PARD3B: variants seen among roughly 807,000 people sequenced by gnomAD.
The protein encoded by PARD3B is partitioning defective 3 homolog B.
In PARD3B, 103 loss-of-function variants were observed where a neutral mutation model predicts 130.2. The ratio of observed to expected loss-of-function variants is 0.79; its 90% CI spans 0.67 to 0.93. The LOEUF (loss-of-function observed/expected upper bound fraction) is 0.93. Ranked by LOEUF, PARD3B falls within the 40% of genes least tolerant of loss-of-function variation. PARD3B has a pLI of 0.00. For missense variants in PARD3B, 1,609 were observed against 1,499.2 expected, an observed-to-expected ratio of 1.07 and a Z score of -1.21; for synonymous variants, 583 against 553.2, an observed-to-expected ratio of 1.05 and a Z score of -0.76.
intron 22 of PARD3B, among the ~76,000 whole-genome samples, chr2:205,612,785 C>T (rs781197334): frequency 2.6e-5 from 4 of 152,238 alleles, no homozygotes; most frequent in Non-Finnish European, 4.4e-5. Context: ...AACTCCCAGA[C>T]ATAAAACCTC....
At chr2:204,572,838 T>A (rs146969970) in intron 1 of PARD3B, among the ~76,000 whole-genome samples, 101 of 152,354 alleles carry the variant, frequency 6.6e-4, no homozygotes, top group African/African-American at 2.3e-3. Context: ...ATGTAGTTCC[T>A]ACCCTCTTGT....
At chr2:205,610,572 G>A (rs993451542) in intron 22 of PARD3B, among the ~76,000 whole-genome samples, 11 of 152,094 alleles carry the variant, frequency 7.2e-5, no homozygotes, top group Non-Finnish European at 1.3e-4. Flanking sequence ...TGAGCTCACT[G>A]GGAAGTCAGA....
intron 2 of PARD3B, among the ~76,000 whole-genome samples, chr2:204,912,004 CAT>C (rs1491374594): frequency 2.0e-5 from 3 of 151,696 alleles, no homozygotes. Context: ...TTTAAACAAA[CAT>C]GTTATTAGCT....
chr2:205,000,225 T>TATTA (rs1159924086), intron 3 of PARD3B, among the ~76,000 whole-genome samples: 3 of 152,162 alleles, frequency 2.0e-5, no homozygotes, highest in Admixed American at 1.3e-4. Context: ...CCTATGGTAA[T>TATTA]GGGTGCAGTG....
Position 205,440,855 on chromosome 2 carries a change from C to A in PARD3B, c.3044+183C>A, listed in dbSNP as rs952598634. On this transcript the variant is annotated intron_variant, in intron 20 of 22. Coordinates refer to ENST00000406610, the MANE Select transcript of PARD3B (RefSeq NM_001302769.2). The surrounding 1 kb of genome is among the most constrained non-coding windows in gnomAD (Gnocchi z 4.2). ...TCCACCATCAAAAATAAAACAATAG[C>A]CAATTGTAAGGTGGCATGAATGAAT... Among the ~76,000 whole-genome samples the A allele has an allele frequency of 3.9e-5, 6 of 152,118 alleles. No homozygotes were observed. The highest frequency in any genetic ancestry group is 3.9e-4 in the Admixed American group (6 of 15,262).
intron 3 of PARD3B, among the ~76,000 whole-genome samples, chr2:204,984,756 C>T (rs1393468648): frequency 1.3e-5 from 2 of 151,912 alleles, no homozygotes; most frequent in African/African-American, 4.8e-5. Context: ...CCATTTTCAC[C>T]CACTTTAGGC....
At chr2:204,577,077 G>A (rs145607830) in intron 1 of PARD3B, among the ~76,000 whole-genome samples, 253 of 152,220 alleles carry the variant, frequency 1.7e-3, no homozygotes, top group Middle Eastern at 6.8e-3. Context: ...TGATCAGAGT[G>A]TATTGTTTTT....
intron 11 of PARD3B, among the ~76,000 whole-genome samples, chr2:205,168,215 G>A (rs540018717): frequency 2.0e-5 from 3 of 151,662 alleles, no homozygotes; most frequent in South Asian, 4.2e-4. Flanking sequence ...TGCCAGAAGC[G>A]GGGAACATAA....
At chr2:205,132,923 A>G (rs1575895694) in intron 10 of PARD3B, among the ~76,000 whole-genome samples, 1 of 152,068 alleles carries the variant, frequency 6.6e-6, no homozygotes. Flanking sequence ...ATATTTGTTG[A>G]CTGAATGAAT....
At chr2:205,532,252 T>G (rs2051631128) in intron 21 of PARD3B, among the ~76,000 whole-genome samples, 3 of 152,176 alleles carry the variant, frequency 2.0e-5, no homozygotes, top group Non-Finnish European at 2.9e-5. Flanking sequence ...ATGAGTCATA[T>G]TTTAGAGGCT....
At chr2:205,415,954 A>G (rs1388942788) in intron 19 of PARD3B, among the ~76,000 whole-genome samples, 2 of 152,206 alleles carry the variant, frequency 1.3e-5, no homozygotes, top group Non-Finnish European at 2.9e-5. Context: ...ATTTGAAAAC[A>G]TATGCAACTA....
Position 205,356,617 on chromosome 2 carries a change from G to A in PARD3B, c.2631-44396G>A, listed in dbSNP as rs143509401. ...TAAAAGAATATCATTCTGGCCAGCC[G>A]TGATGGCTAACGCCTATAAACCCAG... On this transcript the variant is annotated intron_variant, in intron 18 of 22. Transcript: ENST00000406610. Among the ~76,000 whole-genome samples the A allele has an allele frequency of 1.8e-4, 27 of 152,272 alleles. No individual in the cohort carries two copies. The East Asian group carries it at 3.1e-3, about 17-fold the overall frequency.
At chr2:204,738,053 C>T (rs556945462) in intron 2 of PARD3B, among the ~76,000 whole-genome samples, 30 of 152,134 alleles carry the variant, frequency 2.0e-4, no homozygotes, top group South Asian at 8.3e-4. Context: ...TTTGGCTATT[C>T]GGGCTCTTTT....
At chr2:204,577,603 G>T (rs2032332394) in intron 1 of PARD3B, among the ~76,000 whole-genome samples, 1 of 152,110 alleles carries the variant, frequency 6.6e-6, no homozygotes. Context: ...ACAAGGTCTT[G>T]CTTTGTCACT....
intron 3 of PARD3B, among the ~76,000 whole-genome samples, chr2:205,020,016 A>T (rs1302029621): frequency 6.6e-6 from 1 of 152,100 alleles, no homozygotes; most frequent in Non-Finnish European, 1.5e-5. Flanking sequence ...TTTCCAGCAC[A>T]AAGCTGTTGC....
chr2:204,561,213 A>G (rs2031286868), intron 1 of PARD3B, among the ~76,000 whole-genome samples: 1 of 152,156 alleles, frequency 6.6e-6, no homozygotes, highest in African/African-American at 2.4e-5. Flanking sequence ...TCAGCATTGG[A>G]TTAGAGCCTT....
At chr2:205,180,868 C>T (rs2035749950) in intron 13 of PARD3B, among the ~76,000 whole-genome samples, 1 of 152,128 alleles carries the variant, frequency 6.6e-6, no homozygotes, top group South Asian at 2.1e-4. Flanking sequence ...GGGATGGAGG[C>T]TGTGTCCCAG....
intron 2 of PARD3B, among the ~76,000 whole-genome samples, chr2:204,711,976 G>A (rs1336260970): frequency 3.3e-5 from 5 of 152,172 alleles, no homozygotes; most frequent in Non-Finnish European, 7.4e-5. Context: ...TTGGAATCCA[G>A]GCATGTAGCA....
chr2:205,172,190 T>C, intron 11 of PARD3B, 21 bp from the exon 12 acceptor site: 1 of 1,611,432 alleles, frequency 6.2e-7, no homozygotes, highest in Non-Finnish European at 8.5e-7. Flanking sequence ...TTGAATATTG[T>C]TTTCCTTTCT....
Sources: allele counts gnomAD v4.1 joint callset (sites outside exome capture counted in the v4.1 genomes callset), GRCh38; gene constraint gnomAD v4.1.1; non-coding constraint Gnocchi (gnomAD v3.1); transcripts MANE v1.5; gene names NCBI Gene and HGNC (gene_info 2026-07-23, HGNC 2026-07-21).